The following ANKH variants were observed in gnomAD, a reference collection of about 807,000 sequenced individuals.
ANKH encodes ANKH inorganic pyrophosphate transport regulator, also known as mineralization regulator ANKH.
In ANKH, 15 loss-of-function variants were observed where a neutral mutation model predicts 49.0. The observed-to-expected ratio is 0.31, with a 90% CI of 0.20 to 0.47. The LOEUF (loss-of-function observed/expected upper bound fraction) is 0.47. Ranked by LOEUF, ANKH falls within the 20% of genes least tolerant of loss-of-function variation. ANKH has a pLI of 1.00. For missense variants in ANKH, 429 were observed against 652.0 expected, an observed-to-expected ratio of 0.66 and a Z score of 3.72; for synonymous variants, 273 against 260.0, an observed-to-expected ratio of 1.05 and a Z score of -0.48.
intron 8 of ANKH, among the ~76,000 whole-genome samples, chr5:14,739,285 C>T (rs1001667442): frequency 2.0e-5 from 3 of 151,948 alleles, no homozygotes; most frequent in African/African-American, 2.4e-5. Flanking sequence ...GGTGTGGTGG[C>T]GGGTGCTTGT....
chr5:14,804,606 T>C (rs778028394), intron 1 of ANKH, among the ~76,000 whole-genome samples: 11 of 152,228 alleles, frequency 7.2e-5, no homozygotes, highest in Non-Finnish European at 1.6e-4. Flanking sequence ...CTGAAAACTG[T>C]TGTTGGAGTC....
chr5:14,854,804 C>A (rs1011403177), intron 1 of ANKH, among the ~76,000 whole-genome samples: 2 of 152,212 alleles, frequency 1.3e-5, no homozygotes, highest in African/African-American at 4.8e-5. Flanking sequence ...CCAGCCCTGC[C>A]TTCCCACCCC....
chr5:14,752,268 C>T (rs1014395978), intron 4 of ANKH, among the ~76,000 whole-genome samples: 2 of 152,102 alleles, frequency 1.3e-5, no homozygotes, highest in African/African-American at 4.8e-5. Context: ...TTTGATCGTG[C>T]CACTGCACTC....
rs1379982630 is a variant in ANKH, at chr5:14,749,318, A to T, written c.688-12T>A. The T allele has an allele frequency of 2.5e-6, 4 of 1,614,106 alleles. No homozygotes were observed. Among genetic ancestry groups the T allele is most frequent in the Non-Finnish European group, 3.4e-6 (4 of 1,180,036 alleles). On this transcript the variant is annotated splice_polypyrimidine_tract_variant and intron_variant, in intron 5 of 11. Transcript: ENST00000284268. The stretch of plus-strand genomic sequence containing the variant: ...ATTGTTGCATCTCCCTGTGTTAAGA[A>T]ACGAAGATAAAAGTTACCTGAACTC...
At chr5:14,735,847 T>TG (rs1738161975) in intron 8 of ANKH, among the ~76,000 whole-genome samples, 1 of 152,110 alleles carries the variant, frequency 6.6e-6, no homozygotes, top group Admixed American at 6.5e-5. Flanking sequence ...TCTGAGGTAC[T>TG]GGGGGTTAGG....
intron 1 of ANKH, among the ~76,000 whole-genome samples, chr5:14,840,957 T>A (rs1741797780): frequency 6.6e-6 from 1 of 152,204 alleles, no homozygotes; most frequent in Non-Finnish European, 1.5e-5. Flanking sequence ...TGCCATTTGG[T>A]TTTTTATAAC....
chr5:14,786,296 GGA>G (rs1475413542), intron 1 of ANKH, among the ~76,000 whole-genome samples: 20 of 152,156 alleles, frequency 1.3e-4, no homozygotes, highest in African/African-American at 4.6e-4. Context: ...CTGAATAAAT[GGA>G]GAGGCAAACT....
At chr5:14,798,081 C>T in intron 1 of ANKH, 1 of 1,579,564 alleles carries the variant, frequency 6.3e-7, no homozygotes, top group South Asian at 1.1e-5. Flanking sequence ...TGAACCAAAA[C>T]CTCCAAATTC....
At chr5:14,860,071 A>G (rs1247149626) in intron 1 of ANKH, among the ~76,000 whole-genome samples, 1 of 152,240 alleles carries the variant, frequency 6.6e-6, no homozygotes, top group African/African-American at 2.4e-5. Flanking sequence ...CCCAATAGGC[A>G]TGAGCCGCAG....
rs945443282 is a variant in ANKH, at chr5:14,710,832, G to A, written c.*365C>T. On this transcript the variant is annotated 3_prime_UTR_variant, in exon 12 of 12. Transcript: ENST00000284268. Reference sequence around the variant, plus strand: ...GGAGAGTCTGTGGCCTGCTGTGCAGGGTGACCGAGGCGCGATGGCACAGCT... The same window carrying A: ...GGAGAGTCTGTGGCCTGCTGTGCAGAGTGACCGAGGCGCGATGGCACAGCT... The A allele has an allele frequency of 1.2e-5, 4 of 338,602 alleles. No homozygotes were observed. The highest frequency in any genetic ancestry group is 2.3e-5 in the Non-Finnish European group (4 of 173,626). The allele number at this position is 338,602 out of a possible 1,614,324, so 21.0% of individuals were successfully genotyped here. A position where few individuals can be genotyped will look rare whatever the true frequency, so the allele number is the denominator to read the frequency against.
rs1460525213 is a variant in ANKH at position 14,711,086 on chromosome 5, TACCAA to T, written c.*106_*110del. 1 of 977,740 alleles carries T rather than the reference TACCAA, an allele frequency of 1.0e-6. No individual in the cohort carries two copies. The highest frequency in any genetic ancestry group is 1.6e-6 in the Non-Finnish European group (1 of 607,200). 60.6% of individuals were successfully genotyped at this position (977,740 alleles called of 1,614,324 possible). On this transcript the variant is annotated 3_prime_UTR_variant, in exon 12 of 12. Transcript: ENST00000284268. ...ACCTTTAAATCAAGGCCTCTTTCAT[TACCAA>T]AACAAAACAAAAAAAAGGGAACAAA... is the stretch of plus-strand genomic sequence containing the variant.
chr5:14,769,099 C>A lies in ANKH; in HGVS notation c.189G>T (p.Thr63=), dbSNP rs770876635. ...CATTTTTGAAGTCACTCATGGGACCCGTGAAGAACTTCATGAGGGAGTACG... is the reference window on the plus strand; with the variant it reads ...CATTTTTGAAGTCACTCATGGGACCAGTGAAGAACTTCATGAGGGAGTACG... ...GLAYSLMKFF[T]GPMSDFKNVG... The change falls in exon 2 of 12, where the codon ACG becomes ACT. Residue 63 remains threonine (T), a synonymous_variant. Coordinates refer to ENST00000284268, the MANE Select transcript of ANKH (RefSeq NM_054027.6). 2 of 1,613,944 alleles carry A rather than the reference C, an allele frequency of 1.2e-6. No individual in the cohort carries two copies. Among genetic ancestry groups the A allele is most frequent in the African/African-American group, 2.7e-5 (2 of 74,860 alleles).
At chr5:14,856,742 G>A (rs1735270351) in intron 1 of ANKH, among the ~76,000 whole-genome samples, 1 of 152,144 alleles carries the variant, frequency 6.6e-6, no homozygotes, top group Non-Finnish European at 1.5e-5. Context: ...AATATCACCA[G>A]CTCTGCTTTT....
chr5:14,768,846 T>A, intron 2 of ANKH, 129 bp downstream of exon 2: 1 of 1,088,508 alleles, frequency 9.2e-7, no homozygotes, highest in Non-Finnish European at 1.4e-6. Flanking sequence ...TTCTATCCCC[T>A]GAAAATTTCA....
At position 14,709,733 on chromosome 5, in the gene ANKH, A is replaced by T. The variant is rs1269867954; in HGVS notation, c.*1464T>A. 1.3e-5 allele frequency: 2 copies of T among 152,664 alleles called. No individual in the cohort carries two copies. 9.5% of individuals were successfully genotyped at this position (152,664 alleles called of 1,614,324 possible). A position where few individuals can be genotyped will look rare whatever the true frequency, so the allele number is the denominator to read the frequency against. ...TTCAAATGCAAATGACGGACTTTAT[A>T]AAACTGCTGCCAATAAGGTACAATG... On this transcript the variant is annotated 3_prime_UTR_variant, in exon 12 of 12. Coordinates refer to ENST00000284268, the MANE Select transcript of ANKH (RefSeq NM_054027.6).
At chr5:14,718,454 T>A (rs889557662) in intron 8 of ANKH, among the ~76,000 whole-genome samples, 1 of 151,854 alleles carries the variant, frequency 6.6e-6, no homozygotes, top group Non-Finnish European at 1.5e-5. Context: ...TCCACTGATA[T>A]CCCCAGAGAA....
chr5:14,859,637 G>C (rs1163234923), intron 1 of ANKH, among the ~76,000 whole-genome samples: 1 of 152,198 alleles, frequency 6.6e-6, no homozygotes, highest in Non-Finnish European at 1.5e-5. Context: ...AGTTACAAAG[G>C]CTGGCTCAGG....
intron 8 of ANKH, among the ~76,000 whole-genome samples, chr5:14,719,693 C>T (rs1386143909): frequency 2.6e-5 from 4 of 152,046 alleles, no homozygotes; most frequent in Non-Finnish European, 5.9e-5. Context: ...CAGGGCTCAG[C>T]GTCAGAGTTT....
chr5:14,749,033 A>G (rs1738628835), intron 6 of ANKH, 139 bp downstream of exon 6: 2 of 1,251,810 alleles, frequency 1.6e-6, no homozygotes, highest in African/African-American at 3.0e-5. Context: ...CGAGATCTTT[A>G]TGGCTTCCTA....
Sources: gnomAD v4.1 joint callset for allele counts (sites outside exome capture counted in the v4.1 genomes callset) on GRCh38, gnomAD v4.1.1 for gene constraint, MANE v1.5 for transcripts, NCBI Gene and HGNC (gene_info 2026-07-23, HGNC 2026-07-21) for gene names.